The following SRCAP variants were observed in gnomAD, a reference collection of about 807,000 sequenced individuals.
The protein encoded by SRCAP is Snf2 related CREBBP activator protein.
Under a neutral mutation model 263.1 loss-of-function variants are expected in SRCAP, and 46 were observed. That is an observed-to-expected ratio of 0.17 (90% CI 0.14 to 0.22). The LOEUF is 0.22. SRCAP is among the 10% of genes least tolerant of loss of function. The probability of loss-of-function intolerance (pLI) is 1.00; values close to 1 mark genes in which losing one functional copy is unlikely to be tolerated. For missense variants in SRCAP, 3,695 were observed against 4,181.9 expected (o/e 0.88, Z 3.21); for synonymous variants, 1,813 against 1,662.1 (o/e 1.09, Z -2.21).
rs370658210 is a variant in SRCAP at position 30,712,710 on chromosome 16, C to T, written c.2025C>T (p.Pro675=). ...GGGGTCCCCATTTAATCATTGTTCC[C>T]ACCAGCGTGATGTTGAACTGGGAGA... ...GNWGPHLIIV[P]TSVMLNWEME... is the part of the protein sequence containing the mutation. The change falls in exon 14 of 34, where the codon CCC becomes CCT. Residue 675 remains proline, a synonymous_variant. Coordinates refer to ENST00000262518, the MANE Select transcript of SRCAP (RefSeq NM_006662.3). 6.2e-7 allele frequency: 1 copy of T among 1,614,030 alleles called. No individual in the cohort carries two copies.
chr16:30,726,649 C>T lies in SRCAP; in HGVS notation c.5658+1567C>T, dbSNP rs1465989446. Among the ~76,000 whole-genome samples the T allele has an allele frequency of 2.0e-5, 3 of 151,852 alleles. No homozygotes were observed. The East Asian group carries it at 5.8e-4, about 29-fold the overall frequency. On this transcript the variant is annotated intron_variant, in intron 25 of 33. Coordinates refer to ENST00000262518, the MANE Select transcript of SRCAP (RefSeq NM_006662.3). ...GACCCCACCTCAACCTCCCTCGTAG[C>T]TGGGATTACAGGCATGTGGCACCAT...
intron 21 of SRCAP, 125 bp from the exon 22 acceptor site, chr16:30,721,997 T>G: frequency 2.5e-6 from 3 of 1,217,006 alleles, no homozygotes; most frequent in Non-Finnish European, 3.4e-6. Context: ...TGGGACATGG[T>G]AAATTGTGGG....
At chr16:30,716,861 C>T (rs1218456612) in intron 18 of SRCAP, among the ~76,000 whole-genome samples, 1 of 152,210 alleles carries the variant, frequency 6.6e-6, no homozygotes, top group African/African-American at 2.4e-5. Flanking sequence ...TGTTTATCCA[C>T]TTATCTGTCA....
At chr16:30,722,518 G>T in intron 22 of SRCAP, 45 bp from the exon 23 acceptor site, 1 of 1,606,266 alleles carries the variant, frequency 6.2e-7, no homozygotes, top group Non-Finnish European at 8.5e-7. Context: ...CCCTCCTCAG[G>T]CTGATAGCTG....
rs889483604 is a variant in SRCAP, at chr16:30,741,173, A to G, written c.*1440A>G. 1.3e-5 allele frequency: 2 copies of G among 152,260 alleles called. No homozygotes were observed. Among genetic ancestry groups the G allele is most frequent in the Non-Finnish European group, 2.9e-5 (2 of 68,108 alleles). 9.4% of individuals were successfully genotyped at this position (152,260 alleles called of 1,614,324 possible). On this transcript the variant is annotated 3_prime_UTR_variant, in exon 34 of 34. Coordinates refer to ENST00000262518, the MANE Select transcript of SRCAP (RefSeq NM_006662.3). ...AGAGGAAGCCCTGACTTAGGGAAGT[A>G]AAGTCTTTCTGATGTTTGGTTTTAG...
rs765873694 is a variant in SRCAP, at chr16:30,724,008, T to C, written c.4584T>C (p.Ala1528=). 5 of 1,613,744 alleles carry C rather than the reference T, an allele frequency of 3.1e-6. No individual in the cohort carries two copies. The highest frequency in any genetic ancestry group is 3.3e-5 in the Admixed American group (2 of 59,984). ...SQTPGHPLLL[A]PTSSHVPGLN... ...CACCTGGTCACCCTCTGTTGTTGGC[T>C]CCCACCTCTTCACATGTTCCAGGGT... is the stretch of plus-strand genomic sequence containing the variant. Residue 1528 remains alanine, a synonymous_variant, in exon 25 of 34, where the codon GCT becomes GCC. Transcript: ENST00000262518.
chr16:30,704,131 G>A lies in SRCAP; in HGVS notation c.122G>A (p.Ser41Asn). The change falls in exon 4 of 34, where the codon AGT becomes AAT. Residue 41 changes from serine to asparagine, a missense_variant. Around this residue, in one of 12 missense-constraint regions of SRCAP, gnomAD observed 122 missense variants for 116.9 expected, o/e 1.04. Transcript: ENST00000262518. ...GCCTCATCCAGTTCCCCAGCCTCTA[G>A]TGGGGCAGGCGGCATCTCCCCGCAG... Reference protein sequence around the residue: ...SPASSSSPASSGAGGISPQHI... With the variant: ...SPASSSSPASNGAGGISPQHI... 1.1e-5 allele frequency: 18 copies of A among 1,614,156 alleles called. No individual in the cohort carries two copies. The highest frequency in any genetic ancestry group is 1.5e-5 in the Non-Finnish European group (18 of 1,180,038).
chr16:30,708,206 C>T (rs1373559280), intron 6 of SRCAP, among the ~76,000 whole-genome samples: 1 of 152,022 alleles, frequency 6.6e-6, no homozygotes, highest in Non-Finnish European at 1.5e-5. Context: ...TAGGGAACAG[C>T]CACCTATTTT....
rs1344804853 is a variant in SRCAP at position 30,735,388 on chromosome 16, C to T, written c.6729+773C>T. Among the ~76,000 whole-genome samples, 13 of 151,050 alleles carry T rather than the reference C, an allele frequency of 8.6e-5. No individual in the cohort carries two copies. In the East Asian group the frequency reaches 1.8e-3, roughly 21 times the overall value. ...GTCTCGATCTCCTGACCTCGTGATC[C>T]GCCCGCCTCGGCCTCCCAAAGTGCT... On this transcript the variant is annotated intron_variant, in intron 31 of 33. Coordinates refer to ENST00000262518, the MANE Select transcript of SRCAP (RefSeq NM_006662.3).
In SRCAP at chr16:30,739,972, G is replaced by A; in HGVS notation, c.*239G>A. Reference sequence around the variant, plus strand: ...GGGCAGTGTTAAGGGTGGCAAGATAGTCTCTGTCCCCACCCCCTTGTACTT... The same window carrying A: ...GGGCAGTGTTAAGGGTGGCAAGATAATCTCTGTCCCCACCCCCTTGTACTT... On this transcript the variant is annotated 3_prime_UTR_variant, in exon 34 of 34. Coordinates refer to ENST00000262518, the MANE Select transcript of SRCAP (RefSeq NM_006662.3). 1 of 472,906 alleles carries A rather than the reference G, an allele frequency of 2.1e-6. No individual in the cohort carries two copies. The highest frequency in any genetic ancestry group is 6.8e-5 in the South Asian group (1 of 14,718). 29.3% of individuals were successfully genotyped at this position (472,906 alleles called of 1,614,324 possible).
intron 31 of SRCAP, among the ~76,000 whole-genome samples, chr16:30,734,953 A>G (rs1283444969): frequency 6.6e-6 from 1 of 152,158 alleles, no homozygotes; most frequent in Non-Finnish European, 1.5e-5. Flanking sequence ...TAATCCCAGC[A>G]CTTTGGGAGG....
At chr16:30,714,524 CAG>C (rs1195491011) in intron 16 of SRCAP, among the ~76,000 whole-genome samples, 1 of 1,632 alleles carries the variant, frequency 6.1e-4, no homozygotes, top group Non-Finnish European at 4.8e-3. Flanking sequence ...TTTTTTGAGA[CAG>C]AGTCTCTCTC....
In SRCAP at chr16:30,712,282, G is replaced by T; in HGVS notation, c.1836G>T (p.Leu612=). Residue 612 remains leucine, a synonymous_variant, in exon 13 of 34, where the codon CTG becomes CTT. Transcript: ENST00000262518. The stretch of plus-strand genomic sequence containing the variant: ...GACAGGTAAAGACGCCCATTCCCCT[G>T]CTTCTGCGGGGCCAGCTCCGGGAGT... ...ATTQVKTPIP[L]LLRGQLREYQ... is the part of the protein sequence containing the mutation. 1 of 1,597,916 alleles carries T rather than the reference G, an allele frequency of 6.3e-7. No homozygotes were observed. Among genetic ancestry groups the T allele is most frequent in the Non-Finnish European group, 8.5e-7 (1 of 1,172,192 alleles).
rs747139648 is a variant in SRCAP, at chr16:30,724,725, G to A, written c.5301G>A (p.Thr1767=). Residue 1767 remains threonine, a synonymous_variant, in exon 25 of 34, where the codon ACG becomes ACA. Transcript: ENST00000262518. ...CAGTGGGCCCAGCCCCAGCTCACACGCTGACTTTGGCTCCAGCATCGTCAT... is the reference window on the plus strand; with the variant it reads ...CAGTGGGCCCAGCCCCAGCTCACACACTGACTTTGGCTCCAGCATCGTCAT... ...ASPVGPAPAH[T]LTLAPASSSA... is the part of the protein sequence containing the mutation. The A allele has an allele frequency of 1.2e-6, 2 of 1,613,864 alleles. No homozygotes were observed. The highest frequency in any genetic ancestry group is 1.7e-6 in the Non-Finnish European group (2 of 1,179,972).
rs2053042226 is a variant in SRCAP at position 30,724,420 on chromosome 16, G to A, written c.4996G>A (p.Ala1666Thr). Reference protein sequence around the residue: ...APSSTQTMLPAPVPSPLPSPA... With the variant: ...APSSTQTMLPTPVPSPLPSPA... ...ATCATCAACTCAAACTATGCTACCA[G>A]CCCCGGTTCCGTCACCTCTCCCGAG... The change falls in exon 25 of 34, where the codon GCC (alanine) becomes ACC (threonine). Residue 1666 changes from alanine (A) to threonine (T), a missense_variant. Coordinates refer to ENST00000262518, the MANE Select transcript of SRCAP (RefSeq NM_006662.3). The A allele has an allele frequency of 1.2e-6, 2 of 1,614,110 alleles. No individual in the cohort carries two copies.
chr16:30,704,152 C>G lies in SRCAP; in HGVS notation c.143C>G (p.Pro48Arg). The G allele has an allele frequency of 6.2e-7, 1 of 1,614,200 alleles. No individual in the cohort carries two copies. The highest frequency in any genetic ancestry group is 8.5e-7 in the Non-Finnish European group (1 of 1,180,038). ...PASSGAGGIS[P>R]QHIAQDSSLD... ...TCTAGTGGGGCAGGCGGCATCTCCC[C>G]GCAGCACATAGCTCAAGATTCCTCA... is the stretch of plus-strand genomic sequence containing the variant. Residue 48 changes from proline (P) to arginine (R), a missense_variant, in exon 4 of 34, where the codon CCG becomes CGG. Physicochemically the swap from Pro to Arg is moderately radical, Grantham distance 103 (BLOSUM62 -2). Coordinates refer to ENST00000262518, the MANE Select transcript of SRCAP (RefSeq NM_006662.3).
intron 4 of SRCAP, among the ~76,000 whole-genome samples, chr16:30,706,493 G>A (rs552775402): frequency 5.3e-5 from 8 of 152,110 alleles, no homozygotes; most frequent in Non-Finnish European, 8.8e-5. Flanking sequence ...TTTTTGAGTC[G>A]TCTCTGTCAA....
Position 30,734,614 on chromosome 16 carries a change from A to G in SRCAP, c.6728A>G (p.Gln2243Arg). The G allele has an allele frequency of 1.2e-6, 2 of 1,614,030 alleles. No individual in the cohort carries two copies. Among genetic ancestry groups the G allele is most frequent in the Non-Finnish European group, 1.7e-6 (2 of 1,179,954 alleles). ...VASKQTHILEQALCRAEDEED... is the reference protein window; with the variant it reads ...VASKQTHILERALCRAEDEED... ...AGCAAGCAGACTCATATTCTGGAGC[A>G]GGTAAAAAAAGAGTGGGCAGTTCGT... The change falls in exon 31 of 34, where the codon CAG (glutamine) becomes CGG (arginine). Residue 2243 changes from glutamine to arginine, a missense_variant and splice_region_variant. Physicochemically the swap from Gln to Arg is conservative, Grantham distance 43. Around this residue, in one of 12 missense-constraint regions of SRCAP, gnomAD observed 53 missense variants for 45.6 expected, o/e 1.16. Coordinates refer to ENST00000262518, the MANE Select transcript of SRCAP (RefSeq NM_006662.3).
rs1322536567 is a variant in SRCAP, at chr16:30,738,440, A to T, written c.8400A>T (p.Glu2800Asp). The T allele has an allele frequency of 1.3e-6, 2 of 1,554,504 alleles. No individual in the cohort carries two copies. Among genetic ancestry groups the T allele is most frequent in the South Asian group, 2.4e-5 (2 of 81,708 alleles). The part of the protein sequence containing the change: ...SPSVRSMSGP[E>D]SSPPIGGPCE... Reference sequence around the variant, plus strand: ...CTGTCCGCAGCATGTCAGGGCCAGAATCCTCCCCTCCCATTGGTGGGCCCT... The same window carrying T: ...CTGTCCGCAGCATGTCAGGGCCAGATTCCTCCCCTCCCATTGGTGGGCCCT... Residue 2800 changes from glutamate to aspartate, a missense_variant, in exon 34 of 34, where the codon GAA (glutamate) becomes GAT (aspartate). This residue lies in a region of SRCAP where 1,207 missense variants were observed against 1,142.9 expected (regional missense o/e 1.06). Coordinates refer to ENST00000262518, the MANE Select transcript of SRCAP (RefSeq NM_006662.3).
Sources: allele counts gnomAD v4.1 joint callset (sites outside exome capture counted in the v4.1 genomes callset), GRCh38; gene constraint gnomAD v4.1.1; regional missense constraint gnomAD v4.1.1; transcripts MANE v1.5; gene names NCBI Gene and HGNC (gene_info 2026-07-23, HGNC 2026-07-21).